Variants in MYO10 observed in about 807,000 individuals in gnomAD.
MYO10 encodes the protein myosin X.
A neutral mutation model predicts 257.3 loss-of-function variants in MYO10; 133 were observed. That is an observed-to-expected ratio of 0.52 (90% CI 0.45 to 0.60). The LOEUF (loss-of-function observed/expected upper bound fraction) is 0.60. Among genes scored for constraint, MYO10 ranks in the 20% least tolerant of loss-of-function variants. The pLI, the probability that MYO10 is intolerant of heterozygous loss-of-function variation, is 0.00. For missense variants in MYO10, 2,399 were observed against 2,635.7 expected (o/e 0.91, Z 1.97); for synonymous variants, 1,104 against 1,028.6 (o/e 1.07, Z -1.40).
chr5:16,866,856 C>CATTTACT (rs1391191485), intron 2 of MYO10, among the ~76,000 whole-genome samples: 1 of 152,126 alleles, frequency 6.6e-6, no homozygotes, highest in African/African-American at 2.4e-5. Flanking sequence ...CAACCTCACG[C>CATTTACT]ATTTACTGCC....
Position 16,710,905 on chromosome 5 carries a change from T to G in MYO10, c.2169+3A>C. 6.2e-7 allele frequency: 1 copy of G among 1,612,688 alleles called. No homozygotes were observed. Reference sequence around the variant, plus strand: ...TGGGAGTTGCTCTTTCTCCGCATCGTACCTTGGTCTTCCCCAGCTGCCACT... The same window carrying G: ...TGGGAGTTGCTCTTTCTCCGCATCGGACCTTGGTCTTCCCCAGCTGCCACT... On this transcript the variant is annotated splice_donor_region_variant and intron_variant, in intron 21 of 40. Transcript: ENST00000513610.
chr5:16,855,045 C>G (rs1017968799), intron 2 of MYO10, among the ~76,000 whole-genome samples: 2 of 148,858 alleles, frequency 1.3e-5, no homozygotes, highest in Admixed American at 6.7e-5. Context: ...AAAAAAAAAC[C>G]AAAAAAACTG....
rs145040662 is a variant in MYO10, at chr5:16,924,085, G to A, written c.21+11703C>T. ...AGCCTAAATGACGGAGTGAGACGCT[G>A]TCTCAAAAAACTAAAGTAAAACTCC... On this transcript the variant is annotated intron_variant, in intron 1 of 40. Coordinates refer to ENST00000513610, the MANE Select transcript of MYO10 (RefSeq NM_012334.3). Among the ~76,000 whole-genome samples the A allele has an allele frequency of 1.7e-3, 262 of 152,266 alleles. 1 individual carries two copies. Among genetic ancestry groups the A allele is most frequent in the East Asian group, 0.016 (84 of 5,178 alleles).
chr5:16,885,749 G>A (rs946973710), intron 1 of MYO10, among the ~76,000 whole-genome samples: 1 of 152,042 alleles, frequency 6.6e-6, no homozygotes, highest in East Asian at 1.9e-4. Flanking sequence ...TATGACAAAT[G>A]CAGCGCTAAC....
chr5:16,764,267 CA>C lies in MYO10; in HGVS notation c.1308del (p.Phe436LeufsTer16), dbSNP rs1560972485. The C allele has an allele frequency of 6.2e-7, 1 of 1,613,914 alleles. No individual in the cohort carries two copies. The highest frequency in any genetic ancestry group is 8.5e-7 in the Non-Finnish European group (1 of 1,179,874). ...AAACCTACCTCAAAGTTTTCAAATC[CA>C]AAGATGTCGAGGATGCCAATAGACT... Reference protein sequence around the residue: ...DFKSIGILDIFGFENFEVNHF... With the variant: ...DFKSIGILDIXGFENFEVNHF... On this transcript the variant is annotated frameshift_variant, in exon 12 of 41. Coordinates refer to ENST00000513610, the MANE Select transcript of MYO10 (RefSeq NM_012334.3). LOFTEE classifies it high-confidence loss of function.
chr5:16,702,874 A>T, intron 23 of MYO10, 51 bp downstream of exon 23: 1 of 1,480,188 alleles, frequency 6.8e-7, no homozygotes, highest in Non-Finnish European at 9.2e-7. Context: ...TACCGAGCAC[A>T]GCACTCAAAA....
At chr5:16,774,428 A>G (rs1003706776) in intron 9 of MYO10, among the ~76,000 whole-genome samples, 1 of 152,014 alleles carries the variant, frequency 6.6e-6, no homozygotes. Flanking sequence ...TATTTTTTTA[A>G]TTTATTTTTT....
chr5:16,814,204 C>T (rs1382311178), intron 3 of MYO10, among the ~76,000 whole-genome samples: 5 of 152,158 alleles, frequency 3.3e-5, no homozygotes, highest in African/African-American at 7.2e-5. Context: ...GGGCAGTGCG[C>T]GATCTCGGCT....
intron 4 of MYO10, among the ~76,000 whole-genome samples, chr5:16,788,898 C>T (rs115083575): frequency 0.014 from 2,083 of 152,132 alleles, 46 homozygotes; most frequent in African/African-American, 0.047. Flanking sequence ...TTTTGAATAA[C>T]GTCAACAATC....
At chr5:16,886,832 T>C (rs1428782840) in intron 1 of MYO10, among the ~76,000 whole-genome samples, 4 of 150,308 alleles carry the variant, frequency 2.7e-5, no homozygotes, top group Non-Finnish European at 5.9e-5. Flanking sequence ...CTTGGGAGTC[T>C]GAAGCATGAG....
chr5:16,682,540 G>A (rs189104345), intron 30 of MYO10, among the ~76,000 whole-genome samples: 1 of 152,298 alleles, frequency 6.6e-6, no homozygotes, highest in Admixed American at 6.5e-5. Context: ...CACGGATAAC[G>A]TGATAATGGA....
intron 4 of MYO10, among the ~76,000 whole-genome samples, chr5:16,783,967 G>A (rs76200926): frequency 0.018 from 2,685 of 152,304 alleles, 66 homozygotes; most frequent in African/African-American, 0.061. Context: ...ACTAACTCAT[G>A]TTATTCCCAC....
At chr5:16,761,638 A>G in intron 16 of MYO10, 92 bp from the exon 17 acceptor site, 1 of 913,440 alleles carries the variant, frequency 1.1e-6, no homozygotes, top group Non-Finnish European at 1.7e-6. Flanking sequence ...AAAAGAAATC[A>G]TTCCAAGAAA....
chr5:16,805,590 T>C (rs990902315), intron 3 of MYO10, among the ~76,000 whole-genome samples: 4 of 152,114 alleles, frequency 2.6e-5, no homozygotes, highest in African/African-American at 7.2e-5. Flanking sequence ...ACGGCCATGA[T>C]GATGCCATGC....
At chr5:16,789,134 G>A (rs1374876351) in intron 4 of MYO10, among the ~76,000 whole-genome samples, 1 of 152,192 alleles carries the variant, frequency 6.6e-6, no homozygotes, top group Non-Finnish European at 1.5e-5. Context: ...CCTCAACTCT[G>A]ACCTGCTGCC....
chr5:16,771,171 T>TAA (rs1560976115), intron 9 of MYO10, among the ~76,000 whole-genome samples: 1 of 152,128 alleles, frequency 6.6e-6, no homozygotes, highest in Admixed American at 6.6e-5. Context: ...ACATGAGCGA[T>TAA]AAAAATAGGG....
chr5:16,765,687 T>C (rs1405786914), intron 11 of MYO10, among the ~76,000 whole-genome samples: 1 of 152,202 alleles, frequency 6.6e-6, no homozygotes, highest in African/African-American at 2.4e-5. Flanking sequence ...ATGCTCAGCA[T>C]ATATTTGTTA....
intron 1 of MYO10, chr5:16,902,524 C>T (rs1017120816): frequency 5.7e-6 from 9 of 1,581,322 alleles, no homozygotes; most frequent in Admixed American, 3.3e-5. Flanking sequence ...TTTCGAATGA[C>T]GAATTTCTTG....
Position 16,762,073 on chromosome 5 carries a change from T to C in MYO10, c.1628A>G (p.Asn543Ser), listed in dbSNP as rs1740728166. 1.3e-6 allele frequency: 2 copies of C among 1,522,592 alleles called. No individual in the cohort carries two copies. Among genetic ancestry groups the C allele is most frequent in the Non-Finnish European group, 1.7e-6 (2 of 1,143,092 alleles). 94.3% of individuals were successfully genotyped at this position (1,522,592 alleles called of 1,614,324 possible). The change falls in exon 16 of 41, where the codon AAT becomes AGT. Residue 543 changes from asparagine to serine, a missense_variant. Coordinates refer to ENST00000513610, the MANE Select transcript of MYO10 (RefSeq NM_012334.3). ...FYVKPRVAVN[N>S]FGVKHYAGEV... ...TCCAGCATAGTGCTTCACTCCAAAATTGTTAACTGCAACTCTGGGCTTCAC... is the reference window on the plus strand; with the variant it reads ...TCCAGCATAGTGCTTCACTCCAAAACTGTTAACTGCAACTCTGGGCTTCAC...
Sources: gnomAD v4.1 joint callset for allele counts (sites outside exome capture counted in the v4.1 genomes callset) on GRCh38, gnomAD v4.1.1 for gene constraint, MANE v1.5 for transcripts, NCBI Gene and HGNC (gene_info 2026-07-23, HGNC 2026-07-21) for gene names.